KCNB2: variants seen among roughly 807,000 people sequenced by gnomAD.
KCNB2 encodes delayed rectifier potassium channel protein.
In KCNB2, 15 loss-of-function variants were observed where a neutral mutation model predicts 61.5. That is an observed-to-expected ratio of 0.24 (90% CI 0.16 to 0.38). KCNB2 has a LOEUF of 0.38. Among genes scored for constraint, KCNB2 ranks in the 10% least tolerant of loss-of-function variants. The pLI is 1.00. For missense variants in KCNB2, 828 were observed against 1,125.2 expected (o/e 0.74, Z 3.78); for synonymous variants, 457 against 446.0 (o/e 1.02, Z -0.31).
intron 2 of KCNB2, among the ~76,000 whole-genome samples, chr8:72,605,842 C>T (rs1236259691): frequency 6.6e-6 from 1 of 151,824 alleles, no homozygotes; most frequent in African/African-American, 2.4e-5. Flanking sequence ...ATATAAAAAT[C>T]ATACACTTTT....
Position 72,931,803 on chromosome 8 carries a change from C to T in KCNB2, c.580-4132C>T, listed in dbSNP as rs146285528. 2.7e-3 allele frequency among the ~76,000 whole-genome samples: 408 copies of T among 152,144 alleles called. 3 individuals are homozygous for T. Among genetic ancestry groups the T allele is most frequent in the African/African-American group, 8.7e-3 (361 of 41,512 alleles). On this transcript the variant is annotated intron_variant, in intron 2 of 2. Transcript: ENST00000523207. Reference sequence around the variant, plus strand: ...AAGGTGGGTGAATCAACTTGAGGCCCGGCATTTGAGACCAGCCTGGCCAAC... The same window carrying T: ...AAGGTGGGTGAATCAACTTGAGGCCTGGCATTTGAGACCAGCCTGGCCAAC...
At chr8:72,691,602 G>A (rs1563560952) in intron 2 of KCNB2, among the ~76,000 whole-genome samples, 1 of 152,126 alleles carries the variant, frequency 6.6e-6, no homozygotes, top group African/African-American at 2.4e-5. Flanking sequence ...CTAAAAATTT[G>A]ATATCCTCAA....
intron 2 of KCNB2, among the ~76,000 whole-genome samples, chr8:72,709,232 TA>T (rs1384662848): frequency 6.6e-6 from 1 of 152,180 alleles, no homozygotes; most frequent in African/African-American, 2.4e-5. Flanking sequence ...AAAATCTCCC[TA>T]AGCTGTCTCT....
chr8:72,862,751 A>G (rs1409617712), intron 2 of KCNB2, among the ~76,000 whole-genome samples: 1 of 152,032 alleles, frequency 6.6e-6, no homozygotes, highest in Non-Finnish European at 1.5e-5. Flanking sequence ...CCCATATTGT[A>G]TTTCTGTGGG....
At chr8:72,736,950 A>G (rs2383870) in intron 2 of KCNB2, among the ~76,000 whole-genome samples, 74,377 of 151,878 alleles carry the variant, frequency 0.49, 18,825 homozygotes, top group Non-Finnish European at 0.56. Flanking sequence ...ATCCTTGTAT[A>G]TACATTTATG....
chr8:72,923,282 G>T (rs61448810), intron 2 of KCNB2, among the ~76,000 whole-genome samples: 5,778 of 152,146 alleles, frequency 0.038, 329 homozygotes, highest in African/African-American at 0.13. Context: ...AGGGGGTTTG[G>T]GGGGAGACCT....
In KCNB2 at chr8:72,869,642, A is replaced by G. The variant is rs141317934; in HGVS notation, c.580-66293A>G. On this transcript the variant is annotated intron_variant, in intron 2 of 2. Transcript: ENST00000523207. ...CATCAGGGAAATGCAAATCAAAACC[A>G]CAATGAAATATCGCTTCACACCTAA... Among the ~76,000 whole-genome samples the G allele has an allele frequency of 1.1e-4, 16 of 152,356 alleles. 1 individual carries two copies. Among genetic ancestry groups the G allele is most frequent in the African/African-American group, 3.8e-4 (16 of 41,588 alleles).
At chr8:72,598,324 A>C (rs759619890) in intron 2 of KCNB2, among the ~76,000 whole-genome samples, 6 of 152,264 alleles carry the variant, frequency 3.9e-5, no homozygotes, top group Non-Finnish European at 7.3e-5. Flanking sequence ...GTAATCCAGC[A>C]TATAAACAGA....
chr8:72,658,604 A>G (rs984924353), intron 2 of KCNB2, among the ~76,000 whole-genome samples: 1 of 152,208 alleles, frequency 6.6e-6, no homozygotes, highest in African/African-American at 2.4e-5. Context: ...TTCTGTTGGA[A>G]GAAAATGCTA....
intron 2 of KCNB2, among the ~76,000 whole-genome samples, chr8:72,726,346 T>C (rs1807649136): frequency 6.6e-6 from 1 of 152,192 alleles, no homozygotes; most frequent in South Asian, 2.1e-4. Flanking sequence ...AAACAAGTTT[T>C]TGTTGTTTAA....
chr8:72,550,779 A>G (rs905788093), intron 1 of KCNB2, among the ~76,000 whole-genome samples: 1 of 152,226 alleles, frequency 6.6e-6, no homozygotes, highest in Admixed American at 6.5e-5. Flanking sequence ...TGGAGAGAAT[A>G]GAGCAAATGA....
chr8:72,641,319 T>C (rs529319311), intron 2 of KCNB2, among the ~76,000 whole-genome samples: 1 of 152,138 alleles, frequency 6.6e-6, no homozygotes, highest in East Asian at 1.9e-4. Flanking sequence ...CACAATATAC[T>C]TATTTTTTCT....
At chr8:72,596,007 A>G (rs1408701844) in intron 2 of KCNB2, among the ~76,000 whole-genome samples, 2 of 152,098 alleles carry the variant, frequency 1.3e-5, no homozygotes, top group Non-Finnish European at 2.9e-5. Flanking sequence ...AACAAGCAAT[A>G]TGTCTACCAT....
Position 72,920,355 on chromosome 8 carries a change from G to A in KCNB2, c.580-15580G>A, listed in dbSNP as rs996460841. 8.0e-5 allele frequency among the ~76,000 whole-genome samples: 12 copies of A among 150,552 alleles called. 1 individual carries two copies. In the South Asian group the frequency reaches 1.0e-3, roughly 13 times the overall value. The stretch of plus-strand genomic sequence containing the variant: ...ATGTCCTGGCCAGGCACAGTGGCTC[G>A]TGCCTATAATCCCAGCACTTTGGGA... On this transcript the variant is annotated intron_variant, in intron 2 of 2. Transcript: ENST00000523207.
At chr8:72,697,938 C>A (rs964145732) in intron 2 of KCNB2, among the ~76,000 whole-genome samples, 4 of 152,080 alleles carry the variant, frequency 2.6e-5, no homozygotes, top group African/African-American at 9.7e-5. Context: ...ATCTGAAATT[C>A]TGGGATTGGA....
chr8:72,908,939 G>A (rs930332700), intron 2 of KCNB2, among the ~76,000 whole-genome samples: 2 of 152,164 alleles, frequency 1.3e-5, no homozygotes, highest in East Asian at 3.8e-4. Flanking sequence ...ATACAGCAGA[G>A]TAACAAGTTG....
chr8:72,896,391 C>A (rs866364541), intron 2 of KCNB2, among the ~76,000 whole-genome samples: 2 of 152,084 alleles, frequency 1.3e-5, no homozygotes, highest in Admixed American at 6.6e-5. Flanking sequence ...TGGCTATGAG[C>A]ACAGTATCTT....
intron 2 of KCNB2, among the ~76,000 whole-genome samples, chr8:72,700,308 C>A (rs562360945): frequency 6.6e-6 from 1 of 152,034 alleles, no homozygotes; most frequent in Non-Finnish European, 1.5e-5. Flanking sequence ...CACATGTGTA[C>A]CTATCTAACA....
intron 1 of KCNB2, among the ~76,000 whole-genome samples, chr8:72,548,590 CT>C (rs1806297327): frequency 1.3e-5 from 2 of 152,150 alleles, no homozygotes; most frequent in South Asian, 4.1e-4. Flanking sequence ...CTTATAGGGC[CT>C]TATAGGCCTG....
Sources: gnomAD v4.1 joint callset for allele counts (sites outside exome capture counted in the v4.1 genomes callset) on GRCh38, gnomAD v4.1.1 for gene constraint, MANE v1.5 for transcripts, NCBI Gene and HGNC (gene_info 2026-07-23, HGNC 2026-07-21) for gene names.